SLX4IP: variants seen among roughly 807,000 people sequenced by gnomAD.
SLX4IP encodes the protein SLX4 interacting protein, also known as protein SLX4IP.
In SLX4IP, 34 loss-of-function variants were observed where a neutral mutation model predicts 32.9. That is an observed-to-expected ratio of 1.03 (90% CI 0.79 to 1.38). SLX4IP has a LOEUF of 1.38. Among genes scored for constraint, SLX4IP ranks in the 40% most tolerant of loss-of-function variants. SLX4IP has a pLI of 0.00. For synonymous variants in SLX4IP, 172 were observed against 171.7 expected (o/e 1.00, Z -0.01); for missense variants, 444 against 479.0 (o/e 0.93, Z 0.68).
chr20:10,562,039 G>A (rs192821365), intron 4 of SLX4IP, among the ~76,000 whole-genome samples: 8 of 152,198 alleles, frequency 5.3e-5, no homozygotes, highest in African/African-American at 1.9e-4. Flanking sequence ...AGGAAGCATG[G>A]GCTCCAATCC....
At chr20:10,586,075 G>A (rs185919608) in intron 4 of SLX4IP, among the ~76,000 whole-genome samples, 165 of 152,268 alleles carry the variant, frequency 1.1e-3, no homozygotes, top group African/African-American at 3.8e-3. Context: ...CTCTGAACAC[G>A]TTTCATTGAC....
At chr20:10,465,211 C>T (rs979011341) in intron 2 of SLX4IP, among the ~76,000 whole-genome samples, 3 of 152,150 alleles carry the variant, frequency 2.0e-5, no homozygotes, top group African/African-American at 7.2e-5. Flanking sequence ...TTGCACCCAC[C>T]CCAGTGTTTT....
At chr20:10,462,402 C>T (rs2065345572) in intron 2 of SLX4IP, among the ~76,000 whole-genome samples, 1 of 152,150 alleles carries the variant, frequency 6.6e-6, no homozygotes, top group Non-Finnish European at 1.5e-5. Flanking sequence ...AATTTCAGAA[C>T]ACTGGGAATT....
intron 4 of SLX4IP, among the ~76,000 whole-genome samples, chr20:10,569,339 C>A (rs2066434387): frequency 6.6e-6 from 1 of 152,104 alleles, no homozygotes; most frequent in South Asian, 2.1e-4. Context: ...GTGCGTGCCA[C>A]CACACCCAGC....
intron 2 of SLX4IP, among the ~76,000 whole-genome samples, chr20:10,489,323 C>G (rs1322585088): frequency 2.6e-5 from 4 of 152,162 alleles, no homozygotes; most frequent in Non-Finnish European, 4.4e-5. Flanking sequence ...CCACCACCCC[C>G]CTCTTCACCA....
At chr20:10,478,039 C>T (rs185030365) in intron 2 of SLX4IP, among the ~76,000 whole-genome samples, 13 of 151,970 alleles carry the variant, frequency 8.6e-5, no homozygotes, top group African/African-American at 2.4e-4. Flanking sequence ...GCTGGGACTA[C>T]AGGTGCACTC....
chr20:10,596,255 T>C (rs2122543702), intron 4 of SLX4IP, among the ~76,000 whole-genome samples: 1 of 152,216 alleles, frequency 6.6e-6, no homozygotes, highest in African/African-American at 2.4e-5. Context: ...GATGGGGTCT[T>C]GCTTTGTCGC....
At chr20:10,451,510 T>C (rs2065242044) in intron 1 of SLX4IP, among the ~76,000 whole-genome samples, 1 of 152,164 alleles carries the variant, frequency 6.6e-6, no homozygotes, top group African/African-American at 2.4e-5. Flanking sequence ...TCCATAATGG[T>C]GGCTACCTAC....
At chr20:10,450,788 G>A (rs113024735) in intron 1 of SLX4IP, among the ~76,000 whole-genome samples, 2,934 of 152,316 alleles carry the variant, frequency 0.019, 69 homozygotes, top group South Asian at 0.069. Flanking sequence ...GTCTCGCTCT[G>A]TCGCCCAGGC....
intron 4 of SLX4IP, among the ~76,000 whole-genome samples, chr20:10,562,996 T>C (rs2066349627): frequency 6.6e-6 from 1 of 152,244 alleles, no homozygotes; most frequent in Admixed American, 6.5e-5. Context: ...CAAATTGTTC[T>C]CCATAATGGT....
rs6039957 is a variant in SLX4IP, at chr20:10,466,472, G to T, written c.27+8241G>T. Among the ~76,000 whole-genome samples the T allele has an allele frequency of 1.2e-4, 18 of 152,012 alleles. No homozygotes were observed. In the East Asian group the frequency reaches 2.9e-3, roughly 24 times the overall value. ...TCCCCCCCAACCTACTTTATTGTGG[G>T]TGGGAAAATTTTTGTTGGGAGGGCT... On this transcript the variant is annotated intron_variant, in intron 2 of 7. Transcript: ENST00000334534.
At position 10,585,020 on chromosome 20, in the gene SLX4IP, A is replaced by AG. The variant is rs1436574506; in HGVS notation, c.239-13654dup. On this transcript the variant is annotated intron_variant, in intron 4 of 7. Transcript: ENST00000334534. ...AAAAAGAAAAAGCAGAAAGCAAGCA[A>AG]GCATGCAACTGGGAAACAAAAACAG... 3.3e-5 allele frequency among the ~76,000 whole-genome samples: 5 copies of AG among 152,360 alleles called. No homozygotes were observed. The East Asian group carries it at 9.6e-4, about 29-fold the overall frequency.
At chr20:10,518,463 CTTTCCTTTCTTTTCCT>C (rs571697943) in intron 2 of SLX4IP, among the ~76,000 whole-genome samples, 606 of 41,416 alleles carry the variant, frequency 0.015, 34 homozygotes, top group Middle Eastern at 0.057. Context: ...TCCTTCCTTC[CTTTCCTTTCTTTTCCT>C]TTCCTTTCCT....
At position 10,471,218 on chromosome 20, in the gene SLX4IP, A is replaced by C. The variant is rs187184234; in HGVS notation, c.27+12987A>C. The stretch of plus-strand genomic sequence containing the variant: ...TGTTCCTGGTCTCATAATTCTTGGG[A>C]GTGAGGAGTAGTCTAATTCTTTTCA... On this transcript the variant is annotated intron_variant, in intron 2 of 7. Transcript: ENST00000334534. Among the ~76,000 whole-genome samples the C allele has an allele frequency of 3.2e-3, 492 of 152,208 alleles. 2 individuals carry two copies. Among genetic ancestry groups the C allele is most frequent in the Non-Finnish European group, 4.5e-3 (303 of 68,014 alleles).
intron 1 of SLX4IP, among the ~76,000 whole-genome samples, chr20:10,444,983 C>T (rs1166865791): frequency 2.0e-5 from 3 of 152,188 alleles, no homozygotes; most frequent in African/African-American, 4.8e-5. Context: ...TCCCAGATAA[C>T]AGGCTGTGTG....
At chr20:10,467,934 T>A (rs1340252077) in intron 2 of SLX4IP, among the ~76,000 whole-genome samples, 1 of 152,182 alleles carries the variant, frequency 6.6e-6, no homozygotes, top group Non-Finnish European at 1.5e-5. Context: ...AGTCCTTTCC[T>A]CATGTGATAA....
chr20:10,475,312 T>C (rs1359006035), intron 2 of SLX4IP, among the ~76,000 whole-genome samples: 1 of 152,222 alleles, frequency 6.6e-6, no homozygotes, highest in Non-Finnish European at 1.5e-5. Flanking sequence ...ATCTCAGAAG[T>C]TGCCCAAGGG....
chr20:10,534,430 A>C (rs577095382), intron 2 of SLX4IP, among the ~76,000 whole-genome samples: 46 of 152,290 alleles, frequency 3.0e-4, no homozygotes, highest in Admixed American at 6.5e-4. Context: ...GAAAAATTGC[A>C]ATCTTGAATC....
Position 10,552,028 on chromosome 20 carries a change from T to C in SLX4IP, c.28-4203T>C, listed in dbSNP as rs553746764. ...GTGTGTGTGAGAACGCTCTAAAAAATTAAAATGGACAAGATGCGTGACTGA... is the reference window on the plus strand; with the variant it reads ...GTGTGTGTGAGAACGCTCTAAAAAACTAAAATGGACAAGATGCGTGACTGA... On this transcript the variant is annotated intron_variant, in intron 2 of 7. Transcript: ENST00000334534. 2.0e-5 allele frequency among the ~76,000 whole-genome samples: 3 copies of C among 152,172 alleles called. No homozygotes were observed. The South Asian group carries it at 6.2e-4, about 32-fold the overall frequency.
Sources: gnomAD v4.1 joint callset for allele counts (sites outside exome capture counted in the v4.1 genomes callset) on GRCh38, gnomAD v4.1.1 for gene constraint, MANE v1.5 for transcripts, NCBI Gene and HGNC (gene_info 2026-07-23, HGNC 2026-07-21) for gene names.